CPNE1: variants seen among roughly 807,000 people sequenced by gnomAD.
CPNE1 encodes the protein copine 1.
Under a neutral mutation model 63.2 loss-of-function variants are expected in CPNE1, and 58 were observed. The observed-to-expected ratio is 0.92, with a 90% CI of 0.74 to 1.14. The LOEUF (loss-of-function observed/expected upper bound fraction) is 1.14, where lower values mean the gene tolerates loss of function less well. CPNE1 is among the 50% of genes most tolerant of loss of function. CPNE1 has a pLI of 0.00. For synonymous variants in CPNE1, 237 were observed against 249.0 expected, an observed-to-expected ratio of 0.95 and a Z score of 0.45; for missense variants, 672 against 661.7, an observed-to-expected ratio of 1.02 and a Z score of -0.17.
intron 1 of CPNE1, among the ~76,000 whole-genome samples, chr20:35,646,825 A>G (rs1038298059): frequency 1.3e-5 from 2 of 152,192 alleles, no homozygotes; most frequent in Admixed American, 6.5e-5. Flanking sequence ...CCACAACGAA[A>G]TAGTCATCTC....
intron 1 of CPNE1, among the ~76,000 whole-genome samples, 191 bp from the exon 2 acceptor site, chr20:35,633,114 C>T (rs1568914778): frequency 6.6e-6 from 1 of 152,116 alleles, no homozygotes; most frequent in African/African-American, 2.4e-5. Flanking sequence ...CTCACTGGCA[C>T]AGAAGATGGC....
At chr20:35,642,802 A>G (rs1056450215) in intron 1 of CPNE1, among the ~76,000 whole-genome samples, 2 of 152,254 alleles carry the variant, frequency 1.3e-5, no homozygotes, top group East Asian at 1.9e-4. Flanking sequence ...GAAATTTTCA[A>G]TAAATTTGGT....
intron 1 of CPNE1, among the ~76,000 whole-genome samples, chr20:35,660,006 C>T (rs1242541788): frequency 1.3e-5 from 2 of 152,098 alleles, no homozygotes; most frequent in Non-Finnish European, 2.9e-5. Flanking sequence ...TAATATTCAT[C>T]GCCAAAAAGT....
At chr20:35,646,345 T>C (rs1485964985) in intron 1 of CPNE1, among the ~76,000 whole-genome samples, 3 of 149,486 alleles carry the variant, frequency 2.0e-5, no homozygotes. Flanking sequence ...TAGCACAATG[T>C]GGTTGTTATC....
rs200599189 is a variant in CPNE1, at chr20:35,631,737, G to C, written c.578C>G (p.Ser193Ter). Residue 193 changes from serine (S) to a stop codon, truncating the protein, a stop_gained, in exon 7 of 16, where the codon TCA becomes TGA. Transcript: ENST00000397443. LOFTEE classifies it high-confidence loss of function. ...ACCACAGAAATGCTGAACGGGGACT[G>C]AGAAACGCTTCCATGTAGGGTTCAG... ...NNLNPTWKRF[S>*]VPVQHFCGGN... 2.5e-6 allele frequency: 4 copies of C among 1,614,074 alleles called. No homozygotes were observed. The highest frequency in any genetic ancestry group is 3.4e-6 in the Non-Finnish European group (4 of 1,180,004).
chr20:35,638,332 A>C (rs1247538267), intron 1 of CPNE1, among the ~76,000 whole-genome samples: 1 of 152,236 alleles, frequency 6.6e-6, no homozygotes, highest in Non-Finnish European at 1.5e-5. Context: ...AATGATAGTC[A>C]ATTAAAATGG....
Position 35,626,241 on chromosome 20 carries a change from C to T in CPNE1, c.1614G>A (p.Ter538=), listed in dbSNP as rs553684228. Residue 538 remains the stop codon, a stop_retained_variant, in exon 16 of 16, where the codon TAG becomes TAA. Coordinates refer to ENST00000397443, the MANE Select transcript of CPNE1 (RefSeq NM_152925.3). The stretch of plus-strand genomic sequence containing the variant: ...GACTTGCCACAGCCTCCAAGGGAAC[C>T]TAGGCCTGGGGGGCCTGTGCAGGAT... ...AKDPAQAPQA[*] 3.7e-5 allele frequency: 60 copies of T among 1,614,034 alleles called. No homozygotes were observed. The highest frequency in any genetic ancestry group is 4.9e-5 in the Non-Finnish European group (58 of 1,180,018).
At chr20:35,641,478 A>G (rs1467647407) in intron 1 of CPNE1, among the ~76,000 whole-genome samples, 1 of 152,218 alleles carries the variant, frequency 6.6e-6, no homozygotes, top group Admixed American at 6.5e-5. Context: ...CACTAAATTG[A>G]TGTCATATCT....
Position 35,632,364 on chromosome 20 carries a change from T to C in CPNE1, c.331A>G (p.Thr111Ala). 1 of 1,613,534 alleles carries C rather than the reference T, an allele frequency of 6.2e-7. No individual in the cohort carries two copies. Among genetic ancestry groups the C allele is most frequent in the East Asian group, 2.2e-5 (1 of 44,866 alleles). ...CCAGGCTTCAGCATCAAGGGGAGAG[T>C]CAGTACCTGGCTGGACACAATCTGG... Reference protein sequence around the residue: ...LGQIVSSQVLTLPLMLKPGKP... With the variant: ...LGQIVSSQVLALPLMLKPGKP... The change falls in exon 4 of 16, where the codon ACT becomes GCT. Residue 111 changes from threonine (T) to alanine (A), a missense_variant. By Grantham distance (58) the Thr-to-Ala change is moderately conservative. Transcript: ENST00000397443.
At chr20:35,661,503 A>G (rs2034229633) in intron 1 of CPNE1, among the ~76,000 whole-genome samples, 1 of 152,268 alleles carries the variant, frequency 6.6e-6, no homozygotes, top group South Asian at 2.1e-4. Context: ...ATTTGTCATT[A>G]AAGCCACTGA....
At chr20:35,630,684 C>T in intron 12 of CPNE1, 57 bp downstream of exon 12, 1 of 1,593,676 alleles carries the variant, frequency 6.3e-7, no homozygotes, top group Non-Finnish European at 8.6e-7. Flanking sequence ...TACCACATCC[C>T]CCAAAATCAG....
intron 1 of CPNE1, chr20:35,650,391 TAA>T (rs2033418551): frequency 2.0e-5 from 3 of 152,530 alleles, no homozygotes; most frequent in Non-Finnish European, 4.4e-5. Context: ...TGAAAAAAGA[TAA>T]AAGACTTTCA....
chr20:35,632,591 A>G lies in CPNE1; in HGVS notation c.235T>C (p.Tyr79His), dbSNP rs772667986. The G allele has an allele frequency of 1.2e-6, 2 of 1,612,350 alleles. No individual in the cohort carries two copies. Among genetic ancestry groups the G allele is most frequent in the Admixed American group, 1.7e-5 (1 of 60,014 alleles). ...TCTGGCGTCTTGTTGTCTATGTCATAGATTCCAAAGCGTAGCTTCTGGACT... is the reference window on the plus strand; with the variant it reads ...TCTGGCGTCTTGTTGTCTATGTCATGGATTCCAAAGCGTAGCTTCTGGACT... ...ETVQKLRFGI[Y>H]DIDNKTPELR... The change falls in exon 3 of 16, where the codon TAT becomes CAT. Residue 79 changes from tyrosine (Y) to histidine (H), a missense_variant. Physicochemically the swap from Tyr to His is moderately conservative, Grantham distance 83. Transcript: ENST00000397443.
chr20:35,664,099 G>A (rs1298980590), intron 1 of CPNE1, among the ~76,000 whole-genome samples: 1 of 151,668 alleles, frequency 6.6e-6, no homozygotes, highest in Admixed American at 6.6e-5. Context: ...AGCTTCAGAC[G>A]CCGGCTTCTC....
chr20:35,658,835 ACAC>A (rs1394061951), intron 1 of CPNE1: 8 of 655,908 alleles, frequency 1.2e-5, no homozygotes, highest in African/African-American at 1.8e-5. Context: ...ACACACACAC[ACAC>A]AATATAGTTG....
chr20:35,631,461 T>C, intron 8 of CPNE1, 31 bp downstream of exon 8: 1 of 1,610,956 alleles, frequency 6.2e-7, no homozygotes, highest in Non-Finnish European at 8.5e-7. Flanking sequence ...TCTAGGCCCA[T>C]TTCCACACCC....
intron 1 of CPNE1, among the ~76,000 whole-genome samples, chr20:35,642,615 G>C (rs1344853702): frequency 6.6e-6 from 1 of 152,220 alleles, no homozygotes; most frequent in African/African-American, 2.4e-5. Context: ...GGAGAAGGTA[G>C]ACAAGTTTTC....
At chr20:35,656,517 T>C (rs1318036185) in intron 1 of CPNE1, among the ~76,000 whole-genome samples, 1 of 152,204 alleles carries the variant, frequency 6.6e-6, no homozygotes, top group African/African-American at 2.4e-5. Context: ...TTCCAACCCA[T>C]CTGAAAAGTC....
At chr20:35,659,134 A>G (rs1275110460) in intron 1 of CPNE1, 2 of 378,544 alleles carry the variant, frequency 5.3e-6, no homozygotes, top group African/African-American at 2.3e-5. Flanking sequence ...ATTAGAATGC[A>G]TATCAAAAAA....
Sources: allele counts gnomAD v4.1 joint callset (sites outside exome capture counted in the v4.1 genomes callset), GRCh38; gene constraint gnomAD v4.1.1; transcripts MANE v1.5; gene names NCBI Gene and HGNC (gene_info 2026-07-23, HGNC 2026-07-21).